The following EIF2A variants were observed in gnomAD, a reference collection of about 807,000 sequenced individuals.
EIF2A encodes eukaryotic translation initiation factor 2A.
Under a neutral mutation model 75.2 loss-of-function variants are expected in EIF2A, and 62 were observed. That is an observed-to-expected ratio of 0.82 (90% CI 0.67 to 1.02). EIF2A has a LOEUF of 1.02. Ranked by LOEUF, EIF2A falls within the 50% of genes least tolerant of loss-of-function variation. The probability of loss-of-function intolerance (pLI) is 0.00; values close to 1 mark genes in which losing one functional copy is unlikely to be tolerated. For synonymous variants in EIF2A, 207 were observed against 239.0 expected, an observed-to-expected ratio of 0.87 and a Z score of 1.23; for missense variants, 611 against 677.7, an observed-to-expected ratio of 0.90 and a Z score of 1.09.
intron 2 of EIF2A, chr3:150,552,835 C>A: frequency 6.5e-6 from 1 of 152,880 alleles, no homozygotes; most frequent in Non-Finnish European, 1.5e-5. Flanking sequence ...ATATAGCTAG[C>A]TAGATTAATT....
chr3:150,562,588 G>A lies in EIF2A; in HGVS notation c.220G>A (p.Asp74Asn), dbSNP rs150871868. 1.4e-5 allele frequency: 23 copies of A among 1,613,396 alleles called. No individual in the cohort carries two copies. The East Asian group carries it at 1.6e-4, about 11-fold the overall frequency. ...TAACAAGGGACTACTGCACTCCTTC[G>A]ACCTCCTGAAGGCAGTTTGCCTTGA... is the stretch of plus-strand genomic sequence containing the variant. ...VTNKGLLHSFDLLKAVCLEFS... is the reference protein window; with the variant it reads ...VTNKGLLHSFNLLKAVCLEFS... Residue 74 changes from aspartate to asparagine, a missense_variant, in exon 4 of 14, where the codon GAC (aspartate) becomes AAC (asparagine). Physicochemically the swap from Asp to Asn is conservative, Grantham distance 23. Coordinates refer to ENST00000460851, the MANE Select transcript of EIF2A (RefSeq NM_032025.5).
intron 1 of EIF2A, among the ~76,000 whole-genome samples, chr3:150,549,668 A>G (rs1028420850): frequency 7.9e-5 from 12 of 152,178 alleles, no homozygotes; most frequent in Admixed American, 3.3e-4. Context: ...GCTGCCTTTG[A>G]CTTTGCTTGG....
intron 13 of EIF2A, among the ~76,000 whole-genome samples, chr3:150,583,497 A>G (rs903184182): frequency 3.3e-5 from 5 of 152,234 alleles, no homozygotes; most frequent in Non-Finnish European, 7.3e-5. Flanking sequence ...GAGGCATACT[A>G]TGTTATTACT....
Position 150,584,099 on chromosome 3 carries a change from C to A in EIF2A, c.*188C>A. ...CTATTAAATTGATATTTATATCTTG[C>A]ATCCTATATCATGTCAATATGTGAT... On this transcript the variant is annotated 3_prime_UTR_variant, in exon 14 of 14. Transcript: ENST00000460851. 1.9e-6 allele frequency: 1 copy of A among 522,830 alleles called. No homozygotes were observed. The highest frequency in any genetic ancestry group is 3.3e-6 in the Non-Finnish European group (1 of 302,204). The allele number at this position is 522,830 out of a possible 1,614,324, so 32.4% of individuals were successfully genotyped here. A position where few individuals can be genotyped will look rare whatever the true frequency, so the allele number is the denominator to read the frequency against.
At chr3:150,576,958 A>G (rs1724905728) in intron 11 of EIF2A, among the ~76,000 whole-genome samples, 1 of 152,160 alleles carries the variant, frequency 6.6e-6, no homozygotes, top group South Asian at 2.1e-4. Flanking sequence ...AGTTATGGTG[A>G]TCACATTTTT....
chr3:150,583,105 T>A, intron 12 of EIF2A, 95 bp from the exon 13 acceptor site: 1 of 995,934 alleles, frequency 1.0e-6, no homozygotes, highest in Non-Finnish European at 1.5e-6. Context: ...CTAAGATAAT[T>A]AATCTCCTTA....
intron 11 of EIF2A, among the ~76,000 whole-genome samples, chr3:150,576,302 C>T (rs1724864879): frequency 1.3e-5 from 2 of 151,664 alleles, no homozygotes; most frequent in Admixed American, 6.6e-5. Context: ...GGCACAATGG[C>T]GTGTACCCCG....
chr3:150,567,477 C>T (rs956175047), intron 6 of EIF2A: 1 of 465,976 alleles, frequency 2.1e-6, no homozygotes, highest in Non-Finnish European at 3.8e-6. Flanking sequence ...TGCCTAAGCT[C>T]ACACTGCAAG....
intron 11 of EIF2A, among the ~76,000 whole-genome samples, chr3:150,578,120 T>C (rs1414440890): frequency 6.6e-6 from 1 of 151,986 alleles, no homozygotes; most frequent in East Asian, 1.9e-4. Flanking sequence ...GCCCTTTGAG[T>C]TTTAGGGCCT....
In EIF2A at chr3:150,564,368, AAAC is replaced by A; in HGVS notation, c.468_470del (p.Asn157del). ...TTAACAATGAAGTTCACTTCTTTGAAAACAACAATTTTAGTATGGAAAGATTTA... is the reference window on the plus strand; with the variant it reads ...TTAACAATGAAGTTCACTTCTTTGAAAACAATTTTAGTATGGAAAGATTTA... On this transcript the variant is annotated inframe_deletion, in exon 6 of 14. Transcript: ENST00000460851. 1.3e-6 allele frequency: 2 copies of A among 1,598,984 alleles called. No individual in the cohort carries two copies. The highest frequency in any genetic ancestry group is 8.5e-7 in the Non-Finnish European group (1 of 1,173,508).
At chr3:150,556,946 A>G (rs1723600413) in intron 2 of EIF2A, among the ~76,000 whole-genome samples, 1 of 152,212 alleles carries the variant, frequency 6.6e-6, no homozygotes, top group African/African-American at 2.4e-5. Flanking sequence ...ACATTAGAAT[A>G]ATAGAACTGT....
chr3:150,561,451 G>A (rs968761805), intron 3 of EIF2A, among the ~76,000 whole-genome samples: 1 of 152,182 alleles, frequency 6.6e-6, no homozygotes, highest in Non-Finnish European at 1.5e-5. Context: ...GGTGGCATGC[G>A]CCTGTAGTCC....
At chr3:150,580,980 C>T (rs1006440445) in intron 11 of EIF2A, among the ~76,000 whole-genome samples, 2 of 152,120 alleles carry the variant, frequency 1.3e-5, no homozygotes, top group Admixed American at 6.5e-5. Context: ...CTGCAGTTGA[C>T]GCTTGGTTAC....
Position 150,546,813 on chromosome 3 carries a change from C to G in EIF2A, c.11C>G (p.Ser4Cys). The change falls in exon 1 of 14, where the codon TCC (serine) becomes TGC (cysteine). Residue 4 changes from serine to cysteine, a missense_variant. Transcript: ENST00000460851. The part of the protein sequence containing the change: MAP[S>C]TPLLTVRGSE... ...TCTTTCCGGGACAACATGGCGCCGT[C>G]CACGCCGCTCTTGACAGGTGAGTTC... The G allele has an allele frequency of 6.2e-7, 1 of 1,612,518 alleles. No homozygotes were observed. The highest frequency in any genetic ancestry group is 1.3e-5 in the African/African-American group (1 of 75,040).
intron 6 of EIF2A, chr3:150,566,213 C>T (rs1486398314): frequency 6.6e-6 from 1 of 152,168 alleles, no homozygotes. Flanking sequence ...TCCTTAGTGA[C>T]TTCTTTGCTA....
Position 150,564,344 on chromosome 3 carries a change from T to G in EIF2A, c.438T>G (p.Val146=). ...SEDETLCARN[V]NNEVHFFENN... ...ATGAAACTCTTTGTGCCCGCAATGT[T>G]AACAATGAAGTTCACTTCTTTGAAA... is the stretch of plus-strand genomic sequence containing the variant. The change falls in exon 6 of 14, where the codon GTT becomes GTG. Residue 146 remains valine (V), a synonymous_variant. Coordinates refer to ENST00000460851, the MANE Select transcript of EIF2A (RefSeq NM_032025.5). The G allele has an allele frequency of 6.2e-7, 1 of 1,604,066 alleles. No homozygotes were observed.
intron 11 of EIF2A, among the ~76,000 whole-genome samples, chr3:150,579,067 A>C (rs1725032047): frequency 6.6e-6 from 1 of 152,160 alleles, no homozygotes; most frequent in South Asian, 2.1e-4. Flanking sequence ...AATAAATTTT[A>C]TATATCACTT....
At chr3:150,556,156 A>C (rs1001103618) in intron 2 of EIF2A, among the ~76,000 whole-genome samples, 6 of 152,298 alleles carry the variant, frequency 3.9e-5, no homozygotes, top group African/African-American at 1.4e-4. Flanking sequence ...TCTTCATTGA[A>C]TAGTTGAGGC....
At chr3:150,559,349 T>G (rs1723729958) in intron 3 of EIF2A, among the ~76,000 whole-genome samples, 1 of 151,968 alleles carries the variant, frequency 6.6e-6, no homozygotes, top group South Asian at 2.1e-4. Flanking sequence ...AAAAAATTGG[T>G]CTTTTATTCT....
Sources: gnomAD v4.1 joint callset for allele counts (sites outside exome capture counted in the v4.1 genomes callset) on GRCh38, gnomAD v4.1.1 for gene constraint, MANE v1.5 for transcripts, NCBI Gene and HGNC (gene_info 2026-07-23, HGNC 2026-07-21) for gene names.